Variants in TMEM135 observed in about 807,000 individuals in gnomAD.
TMEM135 encodes peroxisomal membrane protein 52.
Under a neutral mutation model 60.3 loss-of-function variants are expected in TMEM135, and 30 were observed. The observed-to-expected ratio is 0.50, with a 90% CI of 0.37 to 0.68. The LOEUF is 0.68. TMEM135 is among the 30% of genes least tolerant of loss of function. The pLI, the probability that TMEM135 is intolerant of heterozygous loss-of-function variation, is 0.00. For synonymous variants in TMEM135, 190 were observed against 186.7 expected, an observed-to-expected ratio of 1.02 and a Z score of -0.14; for missense variants, 468 against 548.8, an observed-to-expected ratio of 0.85 and a Z score of 1.47.
At chr11:87,064,300 T>C (rs1402734016) in intron 1 of TMEM135, among the ~76,000 whole-genome samples, 1 of 151,754 alleles carries the variant, frequency 6.6e-6, no homozygotes, top group Non-Finnish European at 1.5e-5. Context: ...GAACTTTTAA[T>C]TTTGAGATAA....
chr11:87,128,049 T>C (rs973783377), intron 4 of TMEM135, among the ~76,000 whole-genome samples: 12 of 152,274 alleles, frequency 7.9e-5, no homozygotes, highest in African/African-American at 2.6e-4. Context: ...TACTTTGGCT[T>C]TTTTTGGTCC....
intron 5 of TMEM135, among the ~76,000 whole-genome samples, chr11:87,167,564 A>T (rs1939090393): frequency 6.6e-6 from 1 of 152,162 alleles, no homozygotes; most frequent in South Asian, 2.1e-4. Context: ...TATTGGGATA[A>T]TCATGTGGTT....
chr11:87,118,553 A>T (rs765518466), intron 4 of TMEM135, among the ~76,000 whole-genome samples: 1 of 151,624 alleles, frequency 6.6e-6, no homozygotes, highest in Non-Finnish European at 1.5e-5. Flanking sequence ...GGTTCAAGTG[A>T]TCCTCCTGCC....
intron 4 of TMEM135, among the ~76,000 whole-genome samples, chr11:87,133,536 G>C (rs7949665): frequency 0.48 from 72,482 of 151,956 alleles, 17,573 homozygotes; most frequent in East Asian, 0.67. Context: ...TACAAAACCA[G>C]TTTATTGAGG....
At chr11:87,099,244 T>C (rs927078339) in intron 4 of TMEM135, among the ~76,000 whole-genome samples, 1 of 152,170 alleles carries the variant, frequency 6.6e-6, no homozygotes, top group Admixed American at 6.5e-5. Flanking sequence ...AGATTGTGAA[T>C]TCCTGGGAAA....
intron 9 of TMEM135, among the ~76,000 whole-genome samples, chr11:87,307,206 A>G (rs1382341509): frequency 9.2e-5 from 14 of 152,104 alleles, no homozygotes; most frequent in Admixed American, 9.2e-4. Context: ...CATGAAGGTA[A>G]ACATCTATGG....
intron 3 of TMEM135, among the ~76,000 whole-genome samples, chr11:87,076,430 G>A (rs1429677650): frequency 2.0e-5 from 3 of 152,196 alleles, no homozygotes; most frequent in Admixed American, 6.5e-5. Context: ...ACCCTTCAGG[G>A]CAGTAGGCCC....
Position 87,310,272 on chromosome 11 carries a change from T to C in TMEM135, c.936+600T>C, listed in dbSNP as rs149714640. 3.2e-3 allele frequency among the ~76,000 whole-genome samples: 491 copies of C among 152,296 alleles called. 4 individuals carry two copies. Among genetic ancestry groups the C allele is most frequent in the Non-Finnish European group, 5.2e-3 (355 of 68,022 alleles). ...ATATAAGCCCACGCCTAAACATATA[T>C]GTAGAGATCATTCTTAACCTAGTAC... is the stretch of plus-strand genomic sequence containing the variant. On this transcript the variant is annotated intron_variant, in intron 10 of 14. Coordinates refer to ENST00000305494, the MANE Select transcript of TMEM135 (RefSeq NM_022918.4).
At chr11:87,126,697 G>A (rs1313015787) in intron 4 of TMEM135, among the ~76,000 whole-genome samples, 1 of 151,898 alleles carries the variant, frequency 6.6e-6, no homozygotes, top group Non-Finnish European at 1.5e-5. Flanking sequence ...CATTTTTTGT[G>A]TTAAAAATTG....
At chr11:87,295,059 T>C (rs1310574160) in intron 6 of TMEM135, among the ~76,000 whole-genome samples, 1 of 152,202 alleles carries the variant, frequency 6.6e-6, no homozygotes, top group Non-Finnish European at 1.5e-5. Context: ...TGACCTAGGT[T>C]ACTGCATTTT....
chr11:87,249,105 T>C (rs1227966397), intron 6 of TMEM135, among the ~76,000 whole-genome samples: 1 of 152,234 alleles, frequency 6.6e-6, no homozygotes, highest in African/African-American at 2.4e-5. Context: ...CTGATTGCTC[T>C]AGCTAGGACT....
intron 5 of TMEM135, among the ~76,000 whole-genome samples, chr11:87,234,184 C>T (rs1940945911): frequency 6.6e-6 from 1 of 151,864 alleles, no homozygotes. Context: ...TCTTCTTTGA[C>T]CACTTTGTAT....
At chr11:87,061,095 G>A (rs932037174) in intron 1 of TMEM135, among the ~76,000 whole-genome samples, 1 of 152,128 alleles carries the variant, frequency 6.6e-6, no homozygotes, top group South Asian at 2.1e-4. Flanking sequence ...AATTAAATGA[G>A]TTGACATTTG....
chr11:87,312,334 T>G (rs1358343354), intron 10 of TMEM135, among the ~76,000 whole-genome samples: 1 of 151,958 alleles, frequency 6.6e-6, no homozygotes, highest in African/African-American at 2.4e-5. Context: ...CTTCAAGTAA[T>G]GTTATACTAC....
At chr11:87,295,844 T>A (rs752626668) in intron 7 of TMEM135, 21 bp downstream of exon 7, 2 of 1,590,662 alleles carry the variant, frequency 1.3e-6, no homozygotes, top group Non-Finnish European at 1.7e-6. Context: ...TTTATTTTTA[T>A]GTTGAGAGAG....
intron 5 of TMEM135, among the ~76,000 whole-genome samples, chr11:87,167,078 G>A (rs1333343874): frequency 1.3e-5 from 2 of 152,014 alleles, no homozygotes; most frequent in Non-Finnish European, 2.9e-5. Flanking sequence ...ATTGTGAATG[G>A]GCATTTGCTC....
At position 87,324,429 on chromosome 11, in the gene TMEM135, T is replaced by A. The variant is rs1466683130; in HGVS notation, c.*3096T>A. On this transcript the variant is annotated 3_prime_UTR_variant, in exon 15 of 15. Coordinates refer to ENST00000305494, the MANE Select transcript of TMEM135 (RefSeq NM_022918.4). Reference sequence around the variant, plus strand: ...CTTAAATTCTCCGTGTGATTTATTTTTTTATTTTTTGAGTTGAGGTCTAGC... The same window carrying A: ...CTTAAATTCTCCGTGTGATTTATTTATTTATTTTTTGAGTTGAGGTCTAGC... The A allele has an allele frequency of 6.6e-6, 3 of 453,824 alleles. No individual in the cohort carries two copies. The highest frequency in any genetic ancestry group is 1.3e-5 in the Non-Finnish European group (3 of 226,754). 28.1% of individuals were successfully genotyped at this position (453,824 alleles called of 1,614,324 possible).
At chr11:87,314,384 C>T in intron 11 of TMEM135, 87 bp from the exon 12 acceptor site, 2 of 1,133,888 alleles carry the variant, frequency 1.8e-6, no homozygotes, top group Non-Finnish European at 2.6e-6. Context: ...AGTGCTGATT[C>T]TATGTAAGTG....
chr11:87,289,466 TG>T (rs1942227655), intron 6 of TMEM135, among the ~76,000 whole-genome samples: 1 of 100,944 alleles, frequency 9.9e-6, no homozygotes, highest in African/African-American at 3.9e-5. Context: ...TTTTTTTTTT[TG>T]AGATGTAGTT....
Sources: allele counts gnomAD v4.1 joint callset (sites outside exome capture counted in the v4.1 genomes callset), GRCh38; gene constraint gnomAD v4.1.1; transcripts MANE v1.5; gene names NCBI Gene and HGNC (gene_info 2026-07-23, HGNC 2026-07-21).